PCLO: variants seen among roughly 807,000 people sequenced by gnomAD.
PCLO encodes protein piccolo.
In PCLO, 82 loss-of-function variants were observed where a neutral mutation model predicts 427.5. The ratio of observed to expected loss-of-function variants is 0.19; its 90% CI spans 0.16 to 0.23. PCLO has a LOEUF of 0.23. Among genes scored for constraint, PCLO ranks in the 10% least tolerant of loss-of-function variants. The pLI is 1.00. For missense variants in PCLO, 6,239 were observed against 6,115.9 expected (o/e 1.02, Z -0.67); for synonymous variants, 2,357 against 2,155.4 (o/e 1.09, Z -2.59).
intron 3 of PCLO, among the ~76,000 whole-genome samples, chr7:82,989,002 T>G (rs2115827506): frequency 6.6e-6 from 1 of 151,496 alleles, no homozygotes; most frequent in African/African-American, 2.4e-5. Context: ...GCCTGGCTAT[T>G]TTTTTTGTAT....
chr7:83,066,827 G>A (rs557708317), intron 3 of PCLO, among the ~76,000 whole-genome samples: 5 of 152,234 alleles, frequency 3.3e-5, no homozygotes, highest in South Asian at 2.1e-4. Flanking sequence ...GAGATGGAGC[G>A]CTGTTCTTCA....
chr7:83,009,198 C>T (rs905566445), intron 3 of PCLO, among the ~76,000 whole-genome samples: 2 of 151,730 alleles, frequency 1.3e-5, no homozygotes, highest in African/African-American at 4.8e-5. Flanking sequence ...ATGGATTAAC[C>T]ACAGACTCAG....
At chr7:83,072,056 A>G (rs1427438806) in intron 3 of PCLO, among the ~76,000 whole-genome samples, 2 of 152,048 alleles carry the variant, frequency 1.3e-5, no homozygotes, top group Non-Finnish European at 1.5e-5. Context: ...GTTTGTTAAA[A>G]TAATAGCTTA....
intron 3 of PCLO, among the ~76,000 whole-genome samples, chr7:83,088,453 G>C (rs1438151760): frequency 6.6e-6 from 1 of 152,132 alleles, no homozygotes; most frequent in Non-Finnish European, 1.5e-5. Flanking sequence ...AGGGAGAAAT[G>C]ATCCTCTTCA....
intron 6 of PCLO, among the ~76,000 whole-genome samples, chr7:82,938,557 T>TAAA (rs1795009107): frequency 1.3e-5 from 2 of 151,928 alleles, no homozygotes; most frequent in Non-Finnish European, 2.9e-5. Context: ...TATATGCTCT[T>TAAA]AGCTAGGTTG....
chr7:82,760,941 G>GCC (rs1790418241), intron 23 of PCLO, among the ~76,000 whole-genome samples, 157 bp from the exon 24 acceptor site: 1 of 87,984 alleles, frequency 1.1e-5, no homozygotes, highest in Non-Finnish European at 2.3e-5. Context: ...TAAAAGATAT[G>GCC]TCTTTTTTTT....
chr7:83,146,802 A>G (rs1413944446), intron 2 of PCLO, among the ~76,000 whole-genome samples: 1 of 151,980 alleles, frequency 6.6e-6, no homozygotes, highest in Non-Finnish European at 1.5e-5. Context: ...GGGTTTCACC[A>G]TGTTGGCCAG....
In PCLO at chr7:82,915,924, A is replaced by C; in HGVS notation, c.12062T>G (p.Met4021Arg). Reference protein sequence around the residue: ...LRIGLEERSSMASSPISSISA... With the variant: ...LRIGLEERSSRASSPISSISA... ...TATGCTTGATATTGGACTGCTTGCC[A>C]TGCTACTTCTTTCCTCCAAACCTAT... Residue 4021 changes from methionine to arginine, a missense_variant, in exon 7 of 25, where the codon ATG becomes AGG. Physicochemically the swap from Met to Arg is moderately conservative, Grantham distance 91. Around this residue, in one of 5 missense-constraint regions of PCLO, gnomAD observed 680 missense variants for 677.3 expected, o/e 1.00. Transcript: ENST00000333891. The C allele has an allele frequency of 3.1e-6, 5 of 1,613,324 alleles. No individual in the cohort carries two copies. The highest frequency in any genetic ancestry group is 4.2e-6 in the Non-Finnish European group (5 of 1,179,786).
intron 3 of PCLO, among the ~76,000 whole-genome samples, chr7:83,087,933 A>C (rs1790280356): frequency 6.6e-6 from 1 of 152,240 alleles, no homozygotes; most frequent in South Asian, 2.1e-4. Flanking sequence ...TAACTGCATT[A>C]TAAATTGCCG....
rs1646430971 is a variant in PCLO at position 82,826,667 on chromosome 7, A to G, written c.14344-7T>C. 1.9e-6 allele frequency: 3 copies of G among 1,552,734 alleles called. No homozygotes were observed. The highest frequency in any genetic ancestry group is 2.6e-6 in the Non-Finnish European group (3 of 1,135,672). ...CCAGTGTTTTCTTCTTGAGCTATAT[A>G]GTTCAAATAGAAATCTAATTAAACC... On this transcript the variant is annotated splice_polypyrimidine_tract_variant and splice_region_variant and intron_variant, in intron 17 of 24. Transcript: ENST00000333891.
intron 3 of PCLO, among the ~76,000 whole-genome samples, chr7:83,130,967 C>T (rs1282777505): frequency 6.6e-6 from 1 of 152,130 alleles, no homozygotes; most frequent in Non-Finnish European, 1.5e-5. Context: ...AAAAAGTTAG[C>T]TTAGAAAAGG....
intron 2 of PCLO, among the ~76,000 whole-genome samples, chr7:83,146,649 T>G: frequency 6.6e-6 from 1 of 150,938 alleles, no homozygotes; most frequent in African/African-American, 2.4e-5. Flanking sequence ...CAGGGTGGAG[T>G]GCAGTGGCAC....
chr7:82,934,887 ATTG>A (rs2116354526), intron 6 of PCLO, among the ~76,000 whole-genome samples: 1 of 151,716 alleles, frequency 6.6e-6, no homozygotes, highest in Admixed American at 6.6e-5. Flanking sequence ...TAAATGGCTA[ATTG>A]TTATTATAGT....
intron 20 of PCLO, among the ~76,000 whole-genome samples, chr7:82,812,127 G>A (rs1001786404): frequency 1.3e-5 from 2 of 151,296 alleles, no homozygotes; most frequent in African/African-American, 4.8e-5. Context: ...GGTAAATCTC[G>A]TATATTCACA....
intron 3 of PCLO, among the ~76,000 whole-genome samples, chr7:83,077,972 C>G (rs1789999300): frequency 6.6e-6 from 1 of 151,986 alleles, no homozygotes; most frequent in African/African-American, 2.4e-5. Flanking sequence ...CAGAAAAAGG[C>G]GGTTAGAGGT....
At chr7:83,068,503 C>T (rs1399199858) in intron 3 of PCLO, among the ~76,000 whole-genome samples, 6 of 152,008 alleles carry the variant, frequency 3.9e-5, no homozygotes, top group African/African-American at 1.2e-4. Flanking sequence ...AGAAGACATA[C>T]GAATGACCAA....
chr7:83,000,195 A>G (rs575768352), intron 3 of PCLO, among the ~76,000 whole-genome samples: 2 of 151,704 alleles, frequency 1.3e-5, no homozygotes, highest in South Asian at 4.2e-4. Flanking sequence ...AGGAATGAAG[A>G]TAATAATTAC....
Position 83,053,666 on chromosome 7 carries a change from C to G in PCLO, c.3300+80584G>C, listed in dbSNP as rs888065079. Among the ~76,000 whole-genome samples the G allele has an allele frequency of 3.4e-4, 51 of 152,030 alleles. 1 individual carries two copies. The highest frequency in any genetic ancestry group is 1.2e-3 in the African/African-American group (49 of 41,540). On this transcript the variant is annotated intron_variant, in intron 3 of 24. Transcript: ENST00000333891. ...GAATTGAGCCATGTTTTAGAGCTAT[C>G]TAAGTACACATACTGGTCTGGAAAT...
chr7:82,871,743 A>G (rs1481991820), intron 10 of PCLO, among the ~76,000 whole-genome samples: 3 of 151,948 alleles, frequency 2.0e-5, no homozygotes, highest in Non-Finnish European at 4.4e-5. Context: ...TTATGTGCCA[A>G]TAAAAAAAAT....
Sources: allele counts gnomAD v4.1 joint callset (sites outside exome capture counted in the v4.1 genomes callset), GRCh38; gene constraint gnomAD v4.1.1; regional missense constraint gnomAD v4.1.1; transcripts MANE v1.5; gene names NCBI Gene and HGNC (gene_info 2026-07-23, HGNC 2026-07-21).